The following ROBO1 variants were observed in gnomAD, a reference collection of about 807,000 sequenced individuals.
ROBO1 encodes roundabout homolog 1.
Under a neutral mutation model 195.9 loss-of-function variants are expected in ROBO1, and 149 were observed. The observed-to-expected ratio is 0.76, with a 90% CI of 0.67 to 0.87. ROBO1 has a LOEUF of 0.87. Ranked by LOEUF, ROBO1 falls within the 40% of genes least tolerant of loss-of-function variation. The pLI is 0.00. For missense variants in ROBO1, 1,933 were observed against 2,068.3 expected (o/e 0.93, Z 1.27); for synonymous variants, 816 against 733.2 (o/e 1.11, Z -1.82).
At chr3:78,904,124 CA>C (rs1296819999) in intron 4 of ROBO1, among the ~76,000 whole-genome samples, 6 of 151,270 alleles carry the variant, frequency 4.0e-5, no homozygotes, top group Admixed American at 4.0e-4. Flanking sequence ...TGTATATATA[CA>C]ACATATATAT....
In ROBO1 at chr3:79,159,939, T is replaced by A. The variant is rs537141619; in HGVS notation, c.89-34400A>T. Among the ~76,000 whole-genome samples, 11 of 152,096 alleles carry A rather than the reference T, an allele frequency of 7.2e-5. No individual in the cohort carries two copies. In the South Asian group the frequency reaches 1.2e-3, roughly 17 times the overall value. The stretch of plus-strand genomic sequence containing the variant: ...CTTGTTGTACTTGAATCTGAGTGCA[T>A]GCAAAGGCTAGAGCTAACGTAGCAA... On this transcript the variant is annotated intron_variant, in intron 2 of 30. Transcript: ENST00000464233.
chr3:79,277,685 T>C (rs1448285311), intron 2 of ROBO1, among the ~76,000 whole-genome samples: 1 of 152,020 alleles, frequency 6.6e-6, no homozygotes. Flanking sequence ...CCATTTACTC[T>C]GAAGTGAATA....
intron 1 of ROBO1, among the ~76,000 whole-genome samples, chr3:79,610,355 G>C (rs994083495): frequency 2.7e-5 from 3 of 111,444 alleles, no homozygotes; most frequent in Non-Finnish European, 6.1e-5. Context: ...TTAAGTGAAC[G>C]TGGGCTCCCT....
chr3:79,082,443 T>C (rs2079290967), intron 3 of ROBO1, among the ~76,000 whole-genome samples: 1 of 152,128 alleles, frequency 6.6e-6, no homozygotes, highest in Non-Finnish European at 1.5e-5. Flanking sequence ...CTAATAAATC[T>C]CATAATATTG....
At chr3:79,306,806 C>T (rs2033242847) in intron 2 of ROBO1, among the ~76,000 whole-genome samples, 1 of 152,014 alleles carries the variant, frequency 6.6e-6, no homozygotes. Context: ...CAGAGCCGTT[C>T]TTGTTTGCAT....
chr3:79,390,863 T>G (rs1391743537), intron 2 of ROBO1, among the ~76,000 whole-genome samples: 1 of 152,044 alleles, frequency 6.6e-6, no homozygotes, highest in Non-Finnish European at 1.5e-5. Context: ...GAACAGGGAA[T>G]GAATGAGAGC....
At chr3:79,019,652 A>C (rs899978492) in intron 3 of ROBO1, among the ~76,000 whole-genome samples, 1 of 152,064 alleles carries the variant, frequency 6.6e-6, no homozygotes, top group Non-Finnish European at 1.5e-5. Flanking sequence ...TCAGGTGAGA[A>C]TCCAATTGCT....
rs1004730633 is a variant in ROBO1, at chr3:79,434,073, C to G, written c.88+155751G>C. Among the ~76,000 whole-genome samples the G allele has an allele frequency of 1.8e-4, 27 of 152,184 alleles. 1 individual carries two copies. The East Asian group carries it at 4.5e-3, about 25-fold the overall frequency. Reference sequence around the variant, plus strand: ...CTTATACAAAAATTAATTCAAGATGCATTAAAGACTTAAATGTTAGACCTA... The same window carrying G: ...CTTATACAAAAATTAATTCAAGATGGATTAAAGACTTAAATGTTAGACCTA... On this transcript the variant is annotated intron_variant, in intron 2 of 30. Coordinates refer to ENST00000464233, the MANE Select transcript of ROBO1 (RefSeq NM_002941.4).
intron 30 of ROBO1, among the ~76,000 whole-genome samples, chr3:78,599,558 G>C (rs1703046835): frequency 6.6e-6 from 1 of 152,128 alleles, no homozygotes; most frequent in Admixed American, 6.5e-5. Flanking sequence ...ATCTTTGAAT[G>C]GGTGAGGGGA....
At chr3:79,489,109 CATAT>C (rs140391978) in intron 2 of ROBO1, among the ~76,000 whole-genome samples, 2 of 148,066 alleles carry the variant, frequency 1.4e-5, no homozygotes, top group African/African-American at 2.5e-5. Context: ...TATATAAGTA[CATAT>C]ATATATATAT....
chr3:78,681,670 CG>C (rs2080913458), intron 10 of ROBO1, among the ~76,000 whole-genome samples: 1 of 152,018 alleles, frequency 6.6e-6, no homozygotes, highest in Non-Finnish European at 1.5e-5. Flanking sequence ...TTTGGGAGGC[CG>C]AGGCGGGTGG....
intron 4 of ROBO1, among the ~76,000 whole-genome samples, chr3:78,809,987 T>TAAA (rs57179877): frequency 7.1e-5 from 10 of 139,910 alleles, no homozygotes; most frequent in African/African-American, 2.6e-4. Context: ...TAAAGTATAG[T>TAAA]AAAAAAAAAA....
intron 2 of ROBO1, among the ~76,000 whole-genome samples, chr3:79,164,734 C>G (rs1229581808): frequency 6.6e-6 from 1 of 152,160 alleles, no homozygotes; most frequent in Admixed American, 6.5e-5. Context: ...AGGACTTTCA[C>G]GGGCTGCCTA....
intron 4 of ROBO1, among the ~76,000 whole-genome samples, chr3:78,902,776 G>A (rs1459527983): frequency 5.3e-5 from 8 of 152,090 alleles, no homozygotes; most frequent in Non-Finnish European, 8.8e-5. Flanking sequence ...CCCAGCAGGC[G>A]GAGACTGCAG....
At chr3:78,992,083 T>C (rs1033952067) in intron 3 of ROBO1, among the ~76,000 whole-genome samples, 1 of 152,150 alleles carries the variant, frequency 6.6e-6, no homozygotes, top group Non-Finnish European at 1.5e-5. Flanking sequence ...GTCCAGATTA[T>C]AATGTAATGA....
At chr3:78,940,266 A>G (rs746057611) in intron 3 of ROBO1, among the ~76,000 whole-genome samples, 28 of 151,942 alleles carry the variant, frequency 1.8e-4, no homozygotes, top group Non-Finnish European at 3.5e-4. Flanking sequence ...AGCTACCATC[A>G]CAAGTCCAAC....
intron 1 of ROBO1, among the ~76,000 whole-genome samples, chr3:79,728,826 C>A (rs1217548640): frequency 7.9e-5 from 12 of 152,046 alleles, no homozygotes; most frequent in African/African-American, 2.9e-4. Context: ...CTTCATATAG[C>A]AAGTTCTCTT....
intron 1 of ROBO1, among the ~76,000 whole-genome samples, chr3:79,746,659 TC>T (rs2107454699): frequency 6.6e-6 from 1 of 152,196 alleles, no homozygotes; most frequent in African/African-American, 2.4e-5. Flanking sequence ...CCACAGAGTA[TC>T]TTCCACTTTT....
chr3:79,199,259 T>C (rs2081712270), intron 2 of ROBO1, among the ~76,000 whole-genome samples: 1 of 151,848 alleles, frequency 6.6e-6, no homozygotes, highest in Non-Finnish European at 1.5e-5. Context: ...AGCATTGAGA[T>C]ATTACAACAT....
Sources: gnomAD v4.1 joint callset for allele counts (sites outside exome capture counted in the v4.1 genomes callset) on GRCh38, gnomAD v4.1.1 for gene constraint, MANE v1.5 for transcripts, NCBI Gene and HGNC (gene_info 2026-07-23, HGNC 2026-07-21) for gene names.